PDZD2: variants seen among roughly 807,000 people sequenced by gnomAD.
The protein encoded by PDZD2 is PDZ domain containing 2, also known as PDZ domain-containing protein 2.
Under a neutral mutation model 220.7 loss-of-function variants are expected in PDZD2, and 90 were observed. The observed-to-expected ratio is 0.41, with a 90% CI of 0.34 to 0.49. The LOEUF is 0.49. Among genes scored for constraint, PDZD2 ranks in the 20% least tolerant of loss-of-function variants. PDZD2 has a pLI of 0.28. For synonymous variants in PDZD2, 1,375 were observed against 1,450.5 expected, an observed-to-expected ratio of 0.95 and a Z score of 1.18; for missense variants, 3,174 against 3,608.5, an observed-to-expected ratio of 0.88 and a Z score of 3.08.
intron 1 of PDZD2, among the ~76,000 whole-genome samples, chr5:31,774,898 T>C (rs1281749737): frequency 6.6e-6 from 1 of 152,210 alleles, no homozygotes; most frequent in Non-Finnish European, 1.5e-5. Context: ...TGTTAAATGT[T>C]TAACAAATGG....
chr5:31,688,702 G>A (rs74867481), intron 1 of PDZD2, among the ~76,000 whole-genome samples: 9,714 of 152,208 alleles, frequency 0.064, 1,060 homozygotes, highest in African/African-American at 0.22. Context: ...AACCACCTTG[G>A]AGGTGCTGAT....
At chr5:32,097,913 T>C (rs1231143939) in intron 22 of PDZD2, among the ~76,000 whole-genome samples, 2 of 152,188 alleles carry the variant, frequency 1.3e-5, no homozygotes, top group Non-Finnish European at 2.9e-5. Context: ...TCCCCCGCAC[T>C]GAATGTATGT....
In PDZD2 at chr5:31,963,041, T is replaced by TTC. The variant is rs531529740; in HGVS notation, c.477-20114_477-20113insTC. On this transcript the variant is annotated intron_variant, in intron 2 of 24. Coordinates refer to ENST00000438447, the MANE Select transcript of PDZD2 (RefSeq NM_178140.4). ...GTTATTTCCTGCTGAGAACACTTGG[T>TTC]AATGAAGTGAGTTCCTAGTACTCTA... 3.5e-3 allele frequency among the ~76,000 whole-genome samples: 540 copies of TTC among 152,320 alleles called. 2 individuals carry two copies. Among genetic ancestry groups the TTC allele is most frequent in the African/African-American group, 0.013 (528 of 41,560 alleles).
chr5:31,850,706 G>A (rs753307345), intron 2 of PDZD2, among the ~76,000 whole-genome samples: 2 of 142,984 alleles, frequency 1.4e-5, no homozygotes, highest in African/African-American at 5.3e-5. Flanking sequence ...GCGCCATCTC[G>A]TCTCACTGCA....
chr5:31,926,914 T>C (rs1180248592), intron 2 of PDZD2, among the ~76,000 whole-genome samples: 1 of 152,236 alleles, frequency 6.6e-6, no homozygotes, highest in Non-Finnish European at 1.5e-5. Context: ...TCATGTCTTT[T>C]GCAGCAACAT....
In PDZD2 at chr5:32,011,929, C is replaced by T. The variant is rs1277419773; in HGVS notation, c.1407+1447C>T. Among the ~76,000 whole-genome samples the T allele has an allele frequency of 2.6e-5, 4 of 152,212 alleles. No homozygotes were observed. In the East Asian group the frequency reaches 5.8e-4, roughly 22 times the overall value. ...CATAAGCTTTTAGATTTATTATAAC[C>T]GTTTTCTGAAGGATGGCAGTATAGG... On this transcript the variant is annotated intron_variant, in intron 6 of 24. Transcript: ENST00000438447.
intron 2 of PDZD2, among the ~76,000 whole-genome samples, chr5:31,976,299 C>T (rs1298147014): frequency 6.6e-6 from 1 of 152,196 alleles, no homozygotes; most frequent in African/African-American, 2.4e-5. Context: ...TGTAGATTTA[C>T]AGCATCAGAC....
At chr5:31,863,158 T>TA (rs1448970763) in intron 2 of PDZD2, among the ~76,000 whole-genome samples, 1 of 152,242 alleles carries the variant, frequency 6.6e-6, no homozygotes, top group Non-Finnish European at 1.5e-5. Flanking sequence ...GTGCTGGGCT[T>TA]ACAGCCATGA....
In PDZD2 at chr5:32,074,653, T is replaced by A. The variant is rs1741116795; in HGVS notation, c.3537+10T>A. The A allele has an allele frequency of 6.4e-7, 1 of 1,555,570 alleles. No individual in the cohort carries two copies. Among genetic ancestry groups the A allele is most frequent in the Non-Finnish European group, 8.8e-7 (1 of 1,142,150 alleles). ...TGGAGCTGTGGAGAAGGTAACTGAC[T>A]TTCTCTTAGTTACTTGGAATGGAAG... On this transcript the variant is annotated intron_variant, in intron 18 of 24. Transcript: ENST00000438447.
chr5:32,085,254 C>CT (rs145147102), intron 19 of PDZD2, among the ~76,000 whole-genome samples: 4,685 of 126,266 alleles, frequency 0.037, 103 homozygotes, highest in Non-Finnish European at 0.055. Flanking sequence ...GCCCAGCTGC[C>CT]TTTTTTTTTT....
chr5:32,085,952 G>A (rs929301965), intron 19 of PDZD2, among the ~76,000 whole-genome samples: 2 of 151,564 alleles, frequency 1.3e-5, no homozygotes, highest in Admixed American at 6.6e-5. Flanking sequence ...ACATTTTAAC[G>A]GTACTCTTCC....
intron 2 of PDZD2, among the ~76,000 whole-genome samples, chr5:31,906,656 A>C (rs1223157411): frequency 6.6e-6 from 1 of 152,068 alleles, no homozygotes; most frequent in Non-Finnish European, 1.5e-5. Context: ...CTGCCTGGCC[A>C]ACATGGTGAA....
At chr5:31,866,626 C>CT (rs1171819898) in intron 2 of PDZD2, among the ~76,000 whole-genome samples, 1 of 152,188 alleles carries the variant, frequency 6.6e-6, no homozygotes, top group Admixed American at 6.5e-5. Context: ...CAGAAAGCTG[C>CT]TGACCCTGCC....
Position 32,023,728 on chromosome 5 carries a change from G to C in PDZD2, c.1407+13246G>C, listed in dbSNP as rs138956873. 4.6e-3 allele frequency among the ~76,000 whole-genome samples: 695 copies of C among 152,246 alleles called. 4 individuals are homozygous for C. The highest frequency in any genetic ancestry group is 0.019 in the East Asian group (101 of 5,188). On this transcript the variant is annotated intron_variant, in intron 6 of 24. Transcript: ENST00000438447. ...TCTCAAGTCTTCATAACGACTCTGGGTACAGATGGCAGTGGGGAGATGGGT... is the reference window on the plus strand; with the variant it reads ...TCTCAAGTCTTCATAACGACTCTGGCTACAGATGGCAGTGGGGAGATGGGT...
chr5:31,799,860 T>G (rs1355821707), intron 2 of PDZD2, 136 bp downstream of exon 2: 2 of 652,652 alleles, frequency 3.1e-6, no homozygotes, highest in Non-Finnish European at 5.5e-6. Context: ...TTAAACCCCC[T>G]CATCCATTCA....
At chr5:32,097,512 G>A (rs943374110) in intron 22 of PDZD2, 132 bp downstream of exon 22, 1 of 666,576 alleles carries the variant, frequency 1.5e-6, no homozygotes, top group African/African-American at 1.8e-5. Flanking sequence ...ACATAAAAAG[G>A]GAGAAGTGGG....
intron 2 of PDZD2, among the ~76,000 whole-genome samples, chr5:31,800,146 GC>G (rs576685657): frequency 3.9e-5 from 6 of 152,152 alleles, no homozygotes; most frequent in Non-Finnish European, 8.8e-5. Context: ...GACCCCAAGG[GC>G]CCCAAGACCG....
At chr5:31,654,098 A>G (rs1230796987) in intron 1 of PDZD2, among the ~76,000 whole-genome samples, 1 of 152,050 alleles carries the variant, frequency 6.6e-6, no homozygotes, top group Non-Finnish European at 1.5e-5. Flanking sequence ...TATATGTTTT[A>G]AGCTGAGTCC....
chr5:31,927,273 A>G (rs958725221), intron 2 of PDZD2, among the ~76,000 whole-genome samples: 6 of 152,194 alleles, frequency 3.9e-5, no homozygotes, highest in Non-Finnish European at 8.8e-5. Context: ...ATGTTGCATC[A>G]TGGGAGAGAA....
Sources: gnomAD v4.1 joint callset for allele counts (sites outside exome capture counted in the v4.1 genomes callset) on GRCh38, gnomAD v4.1.1 for gene constraint, MANE v1.5 for transcripts, NCBI Gene and HGNC (gene_info 2026-07-23, HGNC 2026-07-21) for gene names.